SGCZ: variants seen among roughly 807,000 people sequenced by gnomAD.
The protein encoded by SGCZ is zeta-sarcoglycan.
A neutral mutation model predicts 41.3 loss-of-function variants in SGCZ; 40 were observed. The ratio of observed to expected loss-of-function variants is 0.97; its 90% CI spans 0.75 to 1.26. The LOEUF (loss-of-function observed/expected upper bound fraction) is 1.26. Ranked by LOEUF, SGCZ falls within the 50% of genes most tolerant of loss-of-function variation. The probability of loss-of-function intolerance (pLI) is 0.00; values close to 1 mark genes in which losing one functional copy is unlikely to be tolerated. For missense variants in SGCZ, 552 were observed against 369.8 expected (o/e 1.49, Z -4.04); for synonymous variants, 206 against 137.5 (o/e 1.50, Z -3.49).
At chr8:14,810,794 C>G (rs1039114920) in intron 1 of SGCZ, among the ~76,000 whole-genome samples, 10 of 151,944 alleles carry the variant, frequency 6.6e-5, no homozygotes, top group Non-Finnish European at 1.5e-4. Context: ...TGTTTATTTA[C>G]TTGTTTGTTT....
chr8:14,156,738 C>A (rs1327772958), intron 5 of SGCZ, among the ~76,000 whole-genome samples: 3 of 152,054 alleles, frequency 2.0e-5, no homozygotes, highest in African/African-American at 7.2e-5. Flanking sequence ...TTGCTAAACA[C>A]CAAGAAAATA....
intron 3 of SGCZ, among the ~76,000 whole-genome samples, chr8:14,313,926 G>C (rs867963488): frequency 0.097 from 14,610 of 151,130 alleles, 902 homozygotes; most frequent in African/African-American, 0.17. Flanking sequence ...GTGTGTGTGT[G>C]TGTGTGTGTG....
chr8:15,117,489 G>C (rs897438628), intron 1 of SGCZ, among the ~76,000 whole-genome samples: 3 of 152,174 alleles, frequency 2.0e-5, no homozygotes, highest in African/African-American at 7.2e-5. Flanking sequence ...GGGAAGTTGA[G>C]AATACAGAGG....
At chr8:14,590,715 C>A (rs1487682964) in intron 1 of SGCZ, among the ~76,000 whole-genome samples, 2 of 147,906 alleles carry the variant, frequency 1.4e-5, no homozygotes, top group African/African-American at 4.9e-5. Context: ...ACAGTATATA[C>A]TATATGTACT....
intron 1 of SGCZ, among the ~76,000 whole-genome samples, chr8:14,640,114 T>G (rs1806973421): frequency 6.6e-6 from 1 of 151,640 alleles, no homozygotes; most frequent in Non-Finnish European, 1.5e-5. Context: ...ATTTACTACT[T>G]TACATTAAGG....
At chr8:14,172,195 T>C (rs1211077315) in intron 4 of SGCZ, among the ~76,000 whole-genome samples, 1 of 152,250 alleles carries the variant, frequency 6.6e-6, no homozygotes, top group Middle Eastern at 3.4e-3. Flanking sequence ...AACAAAGACT[T>C]ATTTTTTGTT....
intron 1 of SGCZ, among the ~76,000 whole-genome samples, chr8:14,993,362 C>T (rs1802091687): frequency 6.6e-6 from 1 of 152,102 alleles, no homozygotes. Context: ...ACAGGCTATT[C>T]TAGGAATGGG....
chr8:14,239,298 T>G (rs965836125), intron 3 of SGCZ, among the ~76,000 whole-genome samples: 1 of 151,130 alleles, frequency 6.6e-6, no homozygotes, highest in Non-Finnish European at 1.5e-5. Flanking sequence ...TTCTATTCAA[T>G]CTTGGCAAAA....
intron 1 of SGCZ, among the ~76,000 whole-genome samples, chr8:15,214,751 C>T (rs1336023354): frequency 1.3e-5 from 2 of 152,066 alleles, no homozygotes; most frequent in African/African-American, 4.8e-5. Context: ...TTTGACTTAC[C>T]TTCTTCTTTC....
intron 4 of SGCZ, among the ~76,000 whole-genome samples, chr8:14,173,253 A>C (rs1328029821): frequency 2.0e-5 from 3 of 152,072 alleles, no homozygotes; most frequent in Non-Finnish European, 4.4e-5. Flanking sequence ...GACACTAACC[A>C]GGAGAAAAAT....
Position 14,108,194 on chromosome 8 carries a change from G to A in SGCZ, c.589C>T (p.His197Tyr). Residue 197 changes from histidine to tyrosine, a missense_variant, in exon 6 of 8, where the codon CAC becomes TAC. Physicochemically the swap from His to Tyr is moderately conservative, Grantham distance 83 (BLOSUM62 2). Transcript: ENST00000382080. ...TCTTGGGATGGCTCTGCTCTGATGT[G>A]CGGCGTCTCCACAGAGTGCCCAAAT... ...AVFGHSVETP[H>Y]IRAEPSQDLR... 1.9e-6 allele frequency: 3 copies of A among 1,614,120 alleles called. No homozygotes were observed. Among genetic ancestry groups the A allele is most frequent in the Non-Finnish European group, 2.5e-6 (3 of 1,180,004 alleles).
intron 2 of SGCZ, among the ~76,000 whole-genome samples, chr8:14,409,677 A>C (rs1799308307): frequency 6.6e-6 from 1 of 152,086 alleles, no homozygotes; most frequent in South Asian, 2.1e-4. Context: ...AACGCTAACC[A>C]CCATATTTGT....
At chr8:14,921,554 G>T (rs181210714) in intron 1 of SGCZ, among the ~76,000 whole-genome samples, 18 of 148,540 alleles carry the variant, frequency 1.2e-4, no homozygotes, top group Admixed American at 1.0e-3. Context: ...AAAAAAAAAA[G>T]AAATAAGCTA....
chr8:15,063,484 G>A lies in SGCZ; in HGVS notation c.39+174101C>T, dbSNP rs143365815. The stretch of plus-strand genomic sequence containing the variant: ...AGAAACTCGACTAACAAATCATTTG[G>A]CAATAATTTAAGTTTTATTACAGTG... On this transcript the variant is annotated intron_variant, in intron 1 of 7. Transcript: ENST00000382080. Among the ~76,000 whole-genome samples the A allele has an allele frequency of 3.1e-3, 473 of 152,192 alleles. 2 individuals are homozygous for A. The highest frequency in any genetic ancestry group is 0.011 in the African/African-American group (458 of 41,536).
intron 1 of SGCZ, among the ~76,000 whole-genome samples, chr8:15,168,909 G>C (rs1483364970): frequency 6.6e-6 from 1 of 152,154 alleles, no homozygotes; most frequent in Non-Finnish European, 1.5e-5. Flanking sequence ...CAGCATGCTG[G>C]CAAAAGGCTG....
chr8:14,400,997 G>A (rs953742566), intron 2 of SGCZ, among the ~76,000 whole-genome samples: 30 of 152,062 alleles, frequency 2.0e-4, no homozygotes, highest in African/African-American at 5.6e-4. Context: ...AACAATCAGT[G>A]GAACATGGTT....
At chr8:14,101,014 G>T (rs1278163231) in intron 7 of SGCZ, among the ~76,000 whole-genome samples, 1 of 151,952 alleles carries the variant, frequency 6.6e-6, no homozygotes, top group Non-Finnish European at 1.5e-5. Flanking sequence ...TTTCAAAATT[G>T]TAGTAAAAAT....
At chr8:14,116,222 C>G (rs1171301327) in intron 5 of SGCZ, among the ~76,000 whole-genome samples, 2 of 151,970 alleles carry the variant, frequency 1.3e-5, no homozygotes, top group Non-Finnish European at 2.9e-5. Context: ...ATTGTATGTT[C>G]AAAAGATGCT....
intron 2 of SGCZ, among the ~76,000 whole-genome samples, chr8:14,335,998 C>A (rs1802493278): frequency 6.6e-6 from 1 of 151,988 alleles, no homozygotes; most frequent in Non-Finnish European, 1.5e-5. Flanking sequence ...GTTTGTTATA[C>A]AGATTATCTC....
Sources: gnomAD v4.1 joint callset for allele counts (sites outside exome capture counted in the v4.1 genomes callset) on GRCh38, gnomAD v4.1.1 for gene constraint, MANE v1.5 for transcripts, NCBI Gene and HGNC (gene_info 2026-07-23, HGNC 2026-07-21) for gene names.